PCDHA4: variants seen among roughly 807,000 people sequenced by gnomAD.
The protein encoded by PCDHA4 is protocadherin alpha-4.
PCDHA4 carries 49 observed loss-of-function variants against 61.4 expected under a neutral mutation model. That is an observed-to-expected ratio of 0.80 (90% CI 0.63 to 1.01). PCDHA4 has a LOEUF of 1.01. Among genes scored for constraint, PCDHA4 ranks in the 50% least tolerant of loss-of-function variants. PCDHA4 has a pLI of 0.00. For synonymous variants in PCDHA4, 590 were observed against 550.3 expected, an observed-to-expected ratio of 1.07 and a Z score of -1.01; for missense variants, 1,254 against 1,235.8, an observed-to-expected ratio of 1.01 and a Z score of -0.22.
At chr5:140,842,623 G>T in intron 1 of PCDHA4, 2 of 1,579,148 alleles carry the variant, frequency 1.3e-6, no homozygotes, top group Non-Finnish European at 1.7e-6. Context: ...GCTCGCCTTC[G>T]CTGTGGGCCA....
chr5:140,960,134 A>G (rs1480555997), intron 1 of PCDHA4, among the ~76,000 whole-genome samples: 10 of 152,232 alleles, frequency 6.6e-5, no homozygotes, highest in African/African-American at 2.2e-4. Context: ...TGAAATACTT[A>G]GATATTAATA....
intron 1 of PCDHA4, among the ~76,000 whole-genome samples, chr5:140,973,282 C>T (rs1554235080): frequency 2.6e-5 from 4 of 152,148 alleles, no homozygotes; most frequent in African/African-American, 7.2e-5. Context: ...TCCCCCAGCA[C>T]TGATTTTTCT....
At position 140,809,049 on chromosome 5, in the gene PCDHA4, C is replaced by T. The variant is rs782208317; in HGVS notation, c.1862C>T (p.Pro621Leu). Residue 621 changes from proline to leucine, a missense_variant, in exon 1 of 4, where the codon CCG (proline) becomes CTG (leucine). Physicochemically the swap from Pro to Leu is moderately conservative, Grantham distance 98. Coordinates refer to ENST00000530339, the MANE Select transcript of PCDHA4 (RefSeq NM_018907.4). The stretch of plus-strand genomic sequence containing the variant: ...CCGGGGACTGGTGGCGCGCGCATCC[C>T]GTTCCGCGTGGGGCTGTACACTGGC... ...LQPGTGGARI[P>L]FRVGLYTGEI... 8.1e-6 allele frequency: 13 copies of T among 1,613,752 alleles called. No individual in the cohort carries two copies. Among genetic ancestry groups the T allele is most frequent in the Middle Eastern group, 1.6e-4 (1 of 6,084 alleles).
Position 140,923,994 on chromosome 5 carries a change from C to T in PCDHA4, c.2386-54955C>T, listed in dbSNP as rs147193427. ...ACATACTATCCCTCTAGGTGCAGCT[C>T]AGAATTCCTAAACCTGGTATAATTG... On this transcript the variant is annotated intron_variant, in intron 1 of 3. Transcript: ENST00000530339. Among the ~76,000 whole-genome samples the T allele has an allele frequency of 8.1e-3, 1,228 of 152,292 alleles. 6 individuals are homozygous for T. The highest frequency in any genetic ancestry group is 0.019 in the African/African-American group (795 of 41,560).
At chr5:140,954,938 GT>G (rs2095112203) in intron 1 of PCDHA4, among the ~76,000 whole-genome samples, 1 of 152,078 alleles carries the variant, frequency 6.6e-6, no homozygotes, top group Admixed American at 6.6e-5. Flanking sequence ...TTAATCTTGA[GT>G]TAATTTTTGT....
In PCDHA4 at chr5:140,823,028, C is replaced by T. The variant is rs2150121496; in HGVS notation, c.2385+13456C>T. On this transcript the variant is annotated intron_variant, in intron 1 of 3. Coordinates refer to ENST00000530339, the MANE Select transcript of PCDHA4 (RefSeq NM_018907.4). ...AGCGCCCTGGACCGCGAGAGCGTGT[C>T]GGTCTATGAGCTGGTGGTGACCGCG... 16 of 1,614,206 alleles carry T rather than the reference C, an allele frequency of 9.9e-6. No individual in the cohort carries two copies. Among genetic ancestry groups the T allele is most frequent in the South Asian group, 9.9e-5 (9 of 91,088 alleles).
intron 1 of PCDHA4, chr5:140,830,285 T>G (rs1554132709): frequency 6.2e-7 from 1 of 1,613,564 alleles, no homozygotes; most frequent in South Asian, 1.1e-5. Context: ...CGAGGGCGCG[T>G]GCACGGCGGA....
At chr5:141,008,784 A>G (rs541946217) in intron 3 of PCDHA4, among the ~76,000 whole-genome samples, 2 of 152,320 alleles carry the variant, frequency 1.3e-5, no homozygotes, top group East Asian at 3.9e-4. Flanking sequence ...ATTGGCTCCC[A>G]GTGTTTTATC....
At chr5:140,986,077 A>G (rs1335070462) in intron 3 of PCDHA4, among the ~76,000 whole-genome samples, 2 of 152,094 alleles carry the variant, frequency 1.3e-5, no homozygotes, top group Non-Finnish European at 2.9e-5. Flanking sequence ...GAAACTGTTC[A>G]TTTATTTTCA....
intron 1 of PCDHA4, among the ~76,000 whole-genome samples, chr5:140,827,225 A>G (rs1210832493): frequency 2.6e-5 from 4 of 152,214 alleles, no homozygotes; most frequent in Admixed American, 2.6e-4. Flanking sequence ...AGGAAAGGAT[A>G]TGGGACAGGG....
At chr5:140,890,886 A>G (rs1332125590) in intron 1 of PCDHA4, among the ~76,000 whole-genome samples, 3 of 151,952 alleles carry the variant, frequency 2.0e-5, no homozygotes, top group Admixed American at 1.3e-4. Flanking sequence ...TTCATCAGGG[A>G]TTATTGTCTT....
chr5:141,009,720 C>G lies in PCDHA4; in HGVS notation c.2627C>G (p.Ser876Cys), dbSNP rs782119637. ...FKYGPGNPKQ[S>C]GPGELPDKFI... ...TACGGACCAGGCAACCCCAAACAAT[C>G]CGGTCCCGGTGAGTTGCCCGACAAA... The change falls in exon 4 of 4, where the codon TCC (serine) becomes TGC (cysteine). Residue 876 changes from serine to cysteine, a missense_variant. Transcript: ENST00000530339. 1 of 1,614,180 alleles carries G rather than the reference C, an allele frequency of 6.2e-7. No individual in the cohort carries two copies. The highest frequency in any genetic ancestry group is 2.2e-5 in the East Asian group (1 of 44,872).
intron 1 of PCDHA4, among the ~76,000 whole-genome samples, chr5:140,922,818 C>T (rs530870255): frequency 6.6e-6 from 1 of 152,208 alleles, no homozygotes; most frequent in Admixed American, 6.5e-5. Flanking sequence ...GGAGATACAG[C>T]ATACTGCTAA....
rs576672267 is a variant in PCDHA4 at position 140,878,151 on chromosome 5, T to G, written c.2385+68579T>G. 31 of 178,298 alleles carry G rather than the reference T, an allele frequency of 1.7e-4. No individual in the cohort carries two copies. The Middle Eastern group carries it at 7.4e-3, about 42-fold the overall frequency. The allele number at this position is 178,298 out of a possible 1,614,324, so 11.0% of individuals were successfully genotyped here. On this transcript the variant is annotated intron_variant, in intron 1 of 3. Coordinates refer to ENST00000530339, the MANE Select transcript of PCDHA4 (RefSeq NM_018907.4). Reference sequence around the variant, plus strand: ...AAAAGTGGCCAGATGTTTGATAACTTAAAAATTTAATTTGTTCATAATTTC... The same window carrying G: ...AAAAGTGGCCAGATGTTTGATAACTGAAAAATTTAATTTGTTCATAATTTC...
intron 1 of PCDHA4, among the ~76,000 whole-genome samples, chr5:140,977,512 G>GAAACTTGA: frequency 3.9e-5 from 6 of 152,278 alleles, no homozygotes; most frequent in Admixed American, 3.9e-4. Context: ...AGCATTTTGT[G>GAAACTTGA]AACTTGAAAA....
At chr5:140,986,461 C>A (rs1554248079) in intron 3 of PCDHA4, among the ~76,000 whole-genome samples, 1 of 152,154 alleles carries the variant, frequency 6.6e-6, no homozygotes. Flanking sequence ...TTAATGAATG[C>A]CCTCTTGTGA....
chr5:140,869,384 A>G, intron 1 of PCDHA4: 1 of 1,614,120 alleles, frequency 6.2e-7, no homozygotes, highest in South Asian at 1.1e-5. Context: ...GACCGCGAGG[A>G]GCTGTGCGGG....
At chr5:140,905,376 C>G in intron 1 of PCDHA4, among the ~76,000 whole-genome samples, 1 of 152,174 alleles carries the variant, frequency 6.6e-6, no homozygotes, top group East Asian at 1.9e-4. Context: ...GTTCTCTGTT[C>G]TGTTTCATAG....
intron 1 of PCDHA4, among the ~76,000 whole-genome samples, chr5:140,840,158 A>G (rs2150304038): frequency 1.3e-5 from 2 of 152,010 alleles, no homozygotes; most frequent in Admixed American, 1.3e-4. Context: ...GAAAGGAGAG[A>G]TGGGATGTAT....
Sources: allele counts gnomAD v4.1 joint callset (sites outside exome capture counted in the v4.1 genomes callset), GRCh38; gene constraint gnomAD v4.1.1; transcripts MANE v1.5; gene names NCBI Gene and HGNC (gene_info 2026-07-23, HGNC 2026-07-21).